Variants in UTP20 observed in about 807,000 individuals in gnomAD.
UTP20 encodes small subunit processome component 20 homolog.
In UTP20, 164 loss-of-function variants were observed where a neutral mutation model predicts 329.5. That is an observed-to-expected ratio of 0.50 (90% CI 0.44 to 0.57). UTP20 has a LOEUF of 0.57. Among genes scored for constraint, UTP20 ranks in the 20% least tolerant of loss-of-function variants. The probability of loss-of-function intolerance (pLI) is 0.00; values close to 1 mark genes in which losing one functional copy is unlikely to be tolerated. For missense variants in UTP20, 3,055 were observed against 3,284.2 expected, an observed-to-expected ratio of 0.93 and a Z score of 1.71; for synonymous variants, 1,151 against 1,159.3, an observed-to-expected ratio of 0.99 and a Z score of 0.14.
At chr12:101,334,052 A>C (rs1475431451) in intron 28 of UTP20, among the ~76,000 whole-genome samples, 1 of 152,136 alleles carries the variant, frequency 6.6e-6, no homozygotes, top group Admixed American at 6.5e-5. Context: ...TTTATTACAT[A>C]CTTCCTATTT....
At position 101,290,816 on chromosome 12, in the gene UTP20, C is replaced by T. The variant is rs148951374; in HGVS notation, c.819C>T (p.Leu273=). 4.0e-5 allele frequency: 64 copies of T among 1,613,936 alleles called. No homozygotes were observed. The African/African-American group carries it at 8.1e-4, about 21-fold the overall frequency. The change falls in exon 8 of 62, where the codon CTC becomes CTT. Residue 273 remains leucine (L), a synonymous_variant. Coordinates refer to ENST00000261637, the MANE Select transcript of UTP20 (RefSeq NM_014503.3). ...QLPWMLIGET[L]KNMVKSTVSY... Reference sequence around the variant, plus strand: ...CATGGATGTTAATTGGAGAAACACTCAAAAACATGGTCAAATCCACTGTAT... The same window carrying T: ...CATGGATGTTAATTGGAGAAACACTTAAAAACATGGTCAAATCCACTGTAT...
chr12:101,379,267 C>T, intron 56 of UTP20, 104 bp from the exon 57 acceptor site: 11 of 1,039,608 alleles, frequency 1.1e-5, no homozygotes, highest in Non-Finnish European at 1.2e-5. Flanking sequence ...ATCTTTGGTT[C>T]CCCACTCCAA....
At chr12:101,373,300 T>A (rs1870353000) in intron 52 of UTP20, 101 bp from the exon 53 acceptor site, 4 of 1,171,682 alleles carry the variant, frequency 3.4e-6, no homozygotes, top group African/African-American at 1.6e-5. Flanking sequence ...TCCATTTTTT[T>A]AAGAAGTAAA....
intron 60 of UTP20, 137 bp from the exon 61 acceptor site, chr12:101,385,446 A>ATTTTTTTTTTTT: frequency 1.0e-6 from 1 of 996,146 alleles, no homozygotes. Context: ...AAGAGTTGAA[A>ATTTTTTTTTTTT]TTTTGTTTTG....
rs774686561 is a variant in UTP20, at chr12:101,354,740, G to A, written c.5108-92G>A. The A allele has an allele frequency of 3.6e-5, 49 of 1,369,632 alleles. 1 individual carries two copies. The highest frequency in any genetic ancestry group is 3.9e-5 in the Non-Finnish European group (39 of 1,004,340). 84.8% of individuals were successfully genotyped at this position (1,369,632 alleles called of 1,614,324 possible). A position where few individuals can be genotyped will look rare whatever the true frequency, so the allele number is the denominator to read the frequency against. On this transcript the variant is annotated intron_variant, in intron 40 of 61. Coordinates refer to ENST00000261637, the MANE Select transcript of UTP20 (RefSeq NM_014503.3). Reference sequence around the variant, plus strand: ...AGTTGCTGATTAGATATTTTTTATCGGAAGTTGGACGTTGGTGGGAAAAAC... The same window carrying A: ...AGTTGCTGATTAGATATTTTTTATCAGAAGTTGGACGTTGGTGGGAAAAAC...
chr12:101,345,502 G>A, intron 36 of UTP20, 52 bp from the exon 37 acceptor site: 1 of 1,185,858 alleles, frequency 8.4e-7, no homozygotes, highest in Non-Finnish European at 1.1e-6. Flanking sequence ...CCTCATATTA[G>A]AAACAAATTC....
At chr12:101,320,762 A>G in intron 23 of UTP20, 90 bp from the exon 24 acceptor site, 1 of 1,161,476 alleles carries the variant, frequency 8.6e-7, no homozygotes. Flanking sequence ...GAATTTTTCA[A>G]ATCTCATTTA....
chr12:101,306,792 A>T (rs770241920), intron 17 of UTP20, 31 bp downstream of exon 17: 32 of 1,556,972 alleles, frequency 2.1e-5, no homozygotes, highest in Non-Finnish European at 2.5e-5. Flanking sequence ...GATAGGTTTT[A>T]AAAAAATATA....
At chr12:101,371,446 A>G (rs997959104) in intron 51 of UTP20, among the ~76,000 whole-genome samples, 4 of 151,706 alleles carry the variant, frequency 2.6e-5, no homozygotes, top group Non-Finnish European at 4.4e-5. Flanking sequence ...GGAGCTCAAC[A>G]CAGGTAAGTG....
intron 15 of UTP20, 52 bp downstream of exon 15, chr12:101,302,605 C>G (rs563317308): frequency 1.7e-5 from 21 of 1,230,362 alleles, no homozygotes; most frequent in African/African-American, 1.4e-4. Context: ...ATAAAAGCCT[C>G]TATTGTTGTG....
chr12:101,344,933 G>GTT (rs1869269859), intron 36 of UTP20, among the ~76,000 whole-genome samples, 183 bp downstream of exon 36: 1 of 70,880 alleles, frequency 1.4e-5, no homozygotes, highest in Non-Finnish European at 2.7e-5. Flanking sequence ...ACTTTTTTTT[G>GTT]CTTTTTTTTT....
In UTP20 at chr12:101,290,201, T is replaced by A; in HGVS notation, c.662T>A (p.Val221Asp). 6.2e-7 allele frequency: 1 copy of A among 1,608,942 alleles called. No individual in the cohort carries two copies. The highest frequency in any genetic ancestry group is 2.2e-5 in the East Asian group (1 of 44,724). ...FLDLDKHPEK[V>D]EGVGQLLFEM... is the part of the protein sequence containing the mutation. ...GATCTTGATAAACATCCAGAAAAAG[T>A]TGAAGGTGTTGGACAGTTGCTCTTT... The change falls in exon 7 of 62, where the codon GTT becomes GAT. Residue 221 changes from valine to aspartate, a missense_variant. Physicochemically the swap from Val to Asp is radical, Grantham distance 152 (BLOSUM62 -3). Around this residue, in one of 3 missense-constraint regions of UTP20, gnomAD observed 2,445 missense variants for 2,575.5 expected, o/e 0.95. Transcript: ENST00000261637.
intron 25 of UTP20, 25 bp downstream of exon 25, chr12:101,321,654 T>C: frequency 6.2e-7 from 1 of 1,606,976 alleles, no homozygotes; most frequent in Non-Finnish European, 8.5e-7. Flanking sequence ...CAAACACTGA[T>C]TTTTAAAAAG....
chr12:101,334,536 G>C, intron 29 of UTP20, 32 bp downstream of exon 29: 1 of 1,581,410 alleles, frequency 6.3e-7, no homozygotes, highest in Non-Finnish European at 8.6e-7. Flanking sequence ...TCTTTAAAAA[G>C]GGCAGTGTTT....
intron 20 of UTP20, 116 bp downstream of exon 20, chr12:101,311,914 A>G: frequency 6.4e-7 from 1 of 1,555,666 alleles, no homozygotes; most frequent in Non-Finnish European, 8.7e-7. Context: ...TATTATCATG[A>G]TAACTTTTGG....
intron 32 of UTP20, 70 bp downstream of exon 32, chr12:101,340,680 G>A: frequency 1.1e-6 from 1 of 935,832 alleles, no homozygotes. Flanking sequence ...ATTGCGAGCA[G>A]CAATTTTACT....
chr12:101,330,494 T>C lies in UTP20; in HGVS notation c.3417+1045T>C, dbSNP rs543334151. Among the ~76,000 whole-genome samples the C allele has an allele frequency of 1.7e-3, 259 of 152,288 alleles. 1 individual carries two copies. Among genetic ancestry groups the C allele is most frequent in the African/African-American group, 6.0e-3 (249 of 41,566 alleles). ...CTCGAAGCAGGTGAGTAATAAGGACTGTGTAGTGTTTTAAAAATATTGCTT... is the reference window on the plus strand; with the variant it reads ...CTCGAAGCAGGTGAGTAATAAGGACCGTGTAGTGTTTTAAAAATATTGCTT... On this transcript the variant is annotated intron_variant, in intron 27 of 61. Transcript: ENST00000261637.
chr12:101,352,067 A>G lies in UTP20; in HGVS notation c.4897A>G (p.Thr1633Ala), dbSNP rs199793716. The G allele has an allele frequency of 1.3e-4, 206 of 1,613,518 alleles. No individual in the cohort carries two copies. The East Asian group carries it at 4.0e-3, about 32-fold the overall frequency. The change falls in exon 39 of 62, where the codon ACC (threonine) becomes GCC (alanine). Residue 1633 changes from threonine (T) to alanine (A), a missense_variant. Coordinates refer to ENST00000261637, the MANE Select transcript of UTP20 (RefSeq NM_014503.3). ...DEKMLKHENI[T>A]TAATEIIGAI... ...ATTTGTTTTACAGCATGAAAATATA[A>G]CCACTGCTGCCACAGAGATTATTGG... is the stretch of plus-strand genomic sequence containing the variant.
intron 26 of UTP20, 145 bp downstream of exon 26, chr12:101,327,392 A>G (rs1868605537): frequency 8.6e-6 from 7 of 814,408 alleles, no homozygotes; most frequent in Non-Finnish European, 1.0e-5. Context: ...CTGAAGTGCA[A>G]CTCATTTTAA....
Sources: allele counts gnomAD v4.1 joint callset (sites outside exome capture counted in the v4.1 genomes callset), GRCh38; gene constraint gnomAD v4.1.1; regional missense constraint gnomAD v4.1.1; transcripts MANE v1.5; gene names NCBI Gene and HGNC (gene_info 2026-07-23, HGNC 2026-07-21).